TMEM135: variants seen among roughly 807,000 people sequenced by gnomAD.
TMEM135 encodes the protein transmembrane protein 135.
In TMEM135, 30 loss-of-function variants were observed where a neutral mutation model predicts 60.3. The ratio of observed to expected loss-of-function variants is 0.50; its 90% CI spans 0.37 to 0.68. The LOEUF (loss-of-function observed/expected upper bound fraction) is 0.68, where lower values mean the gene tolerates loss of function less well. Among genes scored for constraint, TMEM135 ranks in the 30% least tolerant of loss-of-function variants. The pLI, the probability that TMEM135 is intolerant of heterozygous loss-of-function variation, is 0.00. For missense variants in TMEM135, 468 were observed against 548.8 expected, an observed-to-expected ratio of 0.85 and a Z score of 1.47; for synonymous variants, 190 against 186.7, an observed-to-expected ratio of 1.02 and a Z score of -0.14.
At position 87,184,465 on chromosome 11, in the gene TMEM135, ATTACT is replaced by A. The variant is rs1012869520; in HGVS notation, c.462+27063_462+27067del. On this transcript the variant is annotated intron_variant, in intron 5 of 14. Transcript: ENST00000305494. ...AATTCATAGAATGAAGGGTCTGACG[ATTACT>A]TTAGGTCTTTAAAAACAAAGACAAT... Among the ~76,000 whole-genome samples the A allele has an allele frequency of 5.4e-4, 82 of 152,172 alleles. 1 individual carries two copies. Among genetic ancestry groups the A allele is most frequent in the African/African-American group, 1.9e-3 (80 of 41,446 alleles).
chr11:87,247,078 C>T (rs1270290943), intron 6 of TMEM135, among the ~76,000 whole-genome samples: 1 of 148,242 alleles, frequency 6.7e-6, no homozygotes, highest in South Asian at 2.2e-4. Flanking sequence ...ACAGACAGGA[C>T]GCTCAGCTGC....
At chr11:87,228,750 G>A (rs1940821792) in intron 5 of TMEM135, among the ~76,000 whole-genome samples, 1 of 152,180 alleles carries the variant, frequency 6.6e-6, no homozygotes, top group Admixed American at 6.5e-5. Flanking sequence ...CATGTGTTCA[G>A]TTCTCTAGTA....
intron 2 of TMEM135, among the ~76,000 whole-genome samples, chr11:87,070,380 C>T (rs1856752149): frequency 2.0e-5 from 3 of 151,976 alleles, no homozygotes; most frequent in Admixed American, 2.0e-4. Flanking sequence ...TGCGTTGGCT[C>T]ACGCCTGTAA....
chr11:87,311,919 A>T (rs1169590565), intron 10 of TMEM135, among the ~76,000 whole-genome samples: 1 of 151,806 alleles, frequency 6.6e-6, no homozygotes, highest in African/African-American at 2.4e-5. Context: ...ACTTTTCAAA[A>T]TTATTGTTTG....
rs114843057 is a variant in TMEM135 at position 87,112,624 on chromosome 11, A to G, written c.396+21229A>G. Among the ~76,000 whole-genome samples the G allele has an allele frequency of 1.6e-3, 245 of 152,264 alleles. 1 individual carries two copies. The highest frequency in any genetic ancestry group is 5.6e-3 in the African/African-American group (231 of 41,570). ...TTACAATCTTGTATGTAAAATTATTATAATACTAAAATGTAAATGTAAGTG... is the reference window on the plus strand; with the variant it reads ...TTACAATCTTGTATGTAAAATTATTGTAATACTAAAATGTAAATGTAAGTG... On this transcript the variant is annotated intron_variant, in intron 4 of 14. Transcript: ENST00000305494.
intron 4 of TMEM135, among the ~76,000 whole-genome samples, chr11:87,113,872 T>C (rs563236847): frequency 6.6e-6 from 1 of 152,224 alleles, no homozygotes; most frequent in South Asian, 2.1e-4. Context: ...ATGATCCCTA[T>C]ATATTGTGTA....
intron 5 of TMEM135, among the ~76,000 whole-genome samples, chr11:87,188,345 G>A (rs566466842): frequency 4.6e-5 from 7 of 152,102 alleles, no homozygotes; most frequent in South Asian, 2.1e-4. Context: ...ATTTTGTCTC[G>A]TTTTATTCAC....
intron 5 of TMEM135, among the ~76,000 whole-genome samples, chr11:87,202,012 A>AATGTT (rs1336803729): frequency 4.6e-4 from 11 of 24,100 alleles, no homozygotes; most frequent in African/African-American, 6.6e-4. Context: ...TATGTTATGT[A>AATGTT]ATGTTATGTT....
chr11:87,144,709 A>AGT (rs4014711), intron 4 of TMEM135, among the ~76,000 whole-genome samples: 12,522 of 147,046 alleles, frequency 0.085, 605 homozygotes, highest in Non-Finnish European at 0.11. Context: ...TGTGTGTGAA[A>AGT]GTGTGTGTGT....
chr11:87,224,722 C>G (rs1940729138), intron 5 of TMEM135, among the ~76,000 whole-genome samples: 1 of 150,536 alleles, frequency 6.6e-6, no homozygotes, highest in African/African-American at 2.4e-5. Flanking sequence ...CATATAGCAC[C>G]TTTCTTCTCC....
chr11:87,045,865 T>G (rs1222477201), intron 1 of TMEM135, among the ~76,000 whole-genome samples: 1 of 152,214 alleles, frequency 6.6e-6, no homozygotes, highest in Non-Finnish European at 1.5e-5. Flanking sequence ...GGTATTGAAA[T>G]ATTTGTCCCC....
Position 87,245,592 on chromosome 11 carries a change from T to G in TMEM135, c.509+8908T>G, listed in dbSNP as rs190999046. Among the ~76,000 whole-genome samples, 82 of 140,936 alleles carry G rather than the reference T, an allele frequency of 5.8e-4. 1 individual carries two copies. The East Asian group carries it at 0.013, about 22-fold the overall frequency. The allele number at this position is 140,936 out of a possible 152,430, so 92.5% of individuals were successfully genotyped here. On this transcript the variant is annotated intron_variant, in intron 6 of 14. Transcript: ENST00000305494. ...AGCTCTTCTTGTTGAATTGATCCCT[T>G]TACCATTACGTAATGGCCTTCTTTG... is the stretch of plus-strand genomic sequence containing the variant.
intron 5 of TMEM135, among the ~76,000 whole-genome samples, chr11:87,229,952 C>G (rs1193928511): frequency 6.6e-6 from 1 of 151,956 alleles, no homozygotes; most frequent in Non-Finnish European, 1.5e-5. Flanking sequence ...AGTTTATATG[C>G]TATAAGATTT....
chr11:87,298,809 C>T (rs1414164680), intron 7 of TMEM135, among the ~76,000 whole-genome samples: 12 of 64,224 alleles, frequency 1.9e-4, no homozygotes, highest in Non-Finnish European at 3.5e-4. Context: ...AAAAAACAGC[C>T]GGGCACAGTG....
chr11:87,308,325 A>G (rs954701638), intron 9 of TMEM135, among the ~76,000 whole-genome samples: 1 of 152,214 alleles, frequency 6.6e-6, no homozygotes, highest in Non-Finnish European at 1.5e-5. Flanking sequence ...TCCTTAGATT[A>G]TAAGGTTATC....
chr11:87,060,598 C>T (rs1034410688), intron 1 of TMEM135, among the ~76,000 whole-genome samples: 2 of 152,038 alleles, frequency 1.3e-5, no homozygotes, highest in Non-Finnish European at 2.9e-5. Flanking sequence ...CTGCCTGTAT[C>T]AGTCACCTTG....
Position 87,319,346 on chromosome 11 carries a change from T to C in TMEM135, c.1213T>C (p.Trp405Arg). 6.2e-7 allele frequency: 1 copy of C among 1,613,548 alleles called. No homozygotes were observed. Among genetic ancestry groups the C allele is most frequent in the Non-Finnish European group, 8.5e-7 (1 of 1,179,598 alleles). Residue 405 changes from tryptophan to arginine, a missense_variant, in exon 14 of 15, where the codon TGG (tryptophan) becomes CGG (arginine). By Grantham distance (101) the Trp-to-Arg change is moderately radical. Transcript: ENST00000305494. ...AGTTCAGACTTTGAGACCATCTTAC[T>C]GGAAGTTCCTTTTAAGACTCACCAA... is the stretch of plus-strand genomic sequence containing the variant. ...MEVQTLRPSY[W>R]KFLLRLTKGK... is the part of the protein sequence containing the mutation.
intron 4 of TMEM135, among the ~76,000 whole-genome samples, chr11:87,113,634 C>G (rs1433269570): frequency 6.6e-6 from 1 of 151,870 alleles, no homozygotes; most frequent in East Asian, 1.9e-4. Context: ...TATAACAGAC[C>G]TAAATTTTGG....
chr11:87,155,133 G>A (rs1938657885), intron 4 of TMEM135, among the ~76,000 whole-genome samples: 1 of 152,174 alleles, frequency 6.6e-6, no homozygotes, highest in Non-Finnish European at 1.5e-5. Context: ...CGGGTAGCTG[G>A]GAGTACAGGC....
Sources: allele counts gnomAD v4.1 joint callset (sites outside exome capture counted in the v4.1 genomes callset), GRCh38; gene constraint gnomAD v4.1.1; transcripts MANE v1.5; gene names NCBI Gene and HGNC (gene_info 2026-07-23, HGNC 2026-07-21).